The following PRKN variants were observed in gnomAD, a reference collection of about 807,000 sequenced individuals.
The protein encoded by PRKN is parkin RBR E3 ubiquitin protein ligase.
PRKN carries 56 observed loss-of-function variants against 59.5 expected under a neutral mutation model. The ratio of observed to expected loss-of-function variants is 0.94; its 90% CI spans 0.76 to 1.18. PRKN has a LOEUF of 1.18. Among genes scored for constraint, PRKN ranks in the 50% most tolerant of loss-of-function variants. PRKN has a pLI of 0.00. For missense variants in PRKN, 657 were observed against 596.4 expected, an observed-to-expected ratio of 1.10 and a Z score of -1.06; for synonymous variants, 250 against 222.1, an observed-to-expected ratio of 1.13 and a Z score of -1.12.
chr6:162,187,450 A>C (rs1346954252), intron 4 of PRKN, among the ~76,000 whole-genome samples: 1 of 152,180 alleles, frequency 6.6e-6, no homozygotes, highest in Non-Finnish European at 1.5e-5. Flanking sequence ...CTGAGGTATC[A>C]GAAACAGAAG....
rs2114990670 is a variant in PRKN at position 161,405,765 on chromosome 6, T to C, written c.1084-18888A>G. Among the ~76,000 whole-genome samples, 1 of 152,174 alleles carries C rather than the reference T, an allele frequency of 6.6e-6. No individual in the cohort carries two copies. Among genetic ancestry groups the C allele is most frequent in the Middle Eastern group, 3.4e-3 (1 of 294 alleles). The stretch of plus-strand genomic sequence containing the variant: ...GCTCGTGTTCCAAGTCTCGTACCCG[T>C]TGGGCCATTTGAGAAGTGGCAACAG... On this transcript the variant is annotated intron_variant, in intron 9 of 11. Transcript: ENST00000366898. This position sits in a 1 kb window ranked among gnomAD's most constrained non-coding sequence, Gnocchi z 5.1.
In PRKN at chr6:161,545,807, T is replaced by G. The variant is rs1413396497; in HGVS notation, c.1083+3047A>C. The stretch of plus-strand genomic sequence containing the variant: ...GGTTTAACATCCTTAAAGGCAACTT[T>G]CCTCAGGACAAGCATAAATGTGCCT... On this transcript the variant is annotated intron_variant, in intron 9 of 11. Transcript: ENST00000366898. This position sits in a 1 kb window ranked among gnomAD's most constrained non-coding sequence, Gnocchi z 4.1. Among the ~76,000 whole-genome samples, 4 of 152,210 alleles carry G rather than the reference T, an allele frequency of 2.6e-5. No individual in the cohort carries two copies. The highest frequency in any genetic ancestry group is 7.2e-5 in the African/African-American group (3 of 41,458).
At chr6:162,153,867 G>A (rs1457978375) in intron 4 of PRKN, among the ~76,000 whole-genome samples, 1 of 152,092 alleles carries the variant, frequency 6.6e-6, no homozygotes, top group East Asian at 1.9e-4. Flanking sequence ...GGTCTTTATA[G>A]GCACAGGATG....
At chr6:161,677,750 T>A (rs980896604) in intron 7 of PRKN, among the ~76,000 whole-genome samples, 2 of 152,222 alleles carry the variant, frequency 1.3e-5, no homozygotes, top group Non-Finnish European at 2.9e-5. Flanking sequence ...GTGGAGAAAG[T>A]GAGATGTTAT....
intron 5 of PRKN, among the ~76,000 whole-genome samples, chr6:161,979,551 G>A (rs1391034856): frequency 5.3e-5 from 8 of 152,170 alleles, no homozygotes; most frequent in Admixed American, 5.2e-4. Context: ...TGGGAAAACA[G>A]GCAAGAGCCA....
At chr6:162,660,359 C>T (rs1778831353) in intron 1 of PRKN, among the ~76,000 whole-genome samples, 1 of 152,172 alleles carries the variant, frequency 6.6e-6, no homozygotes, top group Non-Finnish European at 1.5e-5. Flanking sequence ...TCTCACCTTT[C>T]CTTATGCAGT....
chr6:161,821,493 G>A (rs1368083957), intron 6 of PRKN, among the ~76,000 whole-genome samples: 1 of 151,884 alleles, frequency 6.6e-6, no homozygotes. Flanking sequence ...GTATGAAACA[G>A]CTTAGTACAC....
At chr6:161,903,795 T>A (rs1358850105) in intron 6 of PRKN, among the ~76,000 whole-genome samples, 2 of 135,530 alleles carry the variant, frequency 1.5e-5, no homozygotes, top group Non-Finnish European at 3.3e-5. Flanking sequence ...TTTCTTTTTT[T>A]CTTTTTCTTT....
At chr6:161,865,321 G>C (rs1794070103) in intron 6 of PRKN, among the ~76,000 whole-genome samples, 1 of 152,144 alleles carries the variant, frequency 6.6e-6, no homozygotes, top group South Asian at 2.1e-4. Flanking sequence ...AATTCTTAAG[G>C]GTCTTAGGAT....
intron 6 of PRKN, among the ~76,000 whole-genome samples, chr6:161,896,724 G>T (rs1403509710): frequency 6.6e-6 from 1 of 152,128 alleles, no homozygotes. Context: ...ACTGTTGGGG[G>T]CCTTTTCCAA....
Position 162,479,757 on chromosome 6 carries a change from G to GTT in PRKN, c.8-36286_8-36285dup, listed in dbSNP as rs749892002. 1.4e-3 allele frequency among the ~76,000 whole-genome samples: 213 copies of GTT among 148,604 alleles called. 1 individual carries two copies. Among genetic ancestry groups the GTT allele is most frequent in the African/African-American group, 4.7e-3 (189 of 40,558 alleles). ...GCCTGAGGCTGTTTTACAGTTATCT[G>GTT]TTTTTTTTTCTCAAAAATAATTAGT... On this transcript the variant is annotated intron_variant, in intron 1 of 11. Transcript: ENST00000366898.
At position 162,665,547 on chromosome 6, in the gene PRKN, T is replaced by C. The variant is rs563875208; in HGVS notation, c.7+62115A>G. Among the ~76,000 whole-genome samples the C allele has an allele frequency of 2.2e-3, 334 of 152,096 alleles. 2 individuals carry two copies. Among genetic ancestry groups the C allele is most frequent in the Non-Finnish European group, 3.8e-3 (256 of 68,012 alleles). On this transcript the variant is annotated intron_variant, in intron 1 of 11. Transcript: ENST00000366898. ...AGAAATAAGATAGGACACAAACAAA[T>C]GGAAAAATATTCTACCCTCATGGAT...
At chr6:162,107,042 C>T (rs1010643126) in intron 4 of PRKN, among the ~76,000 whole-genome samples, 3 of 152,170 alleles carry the variant, frequency 2.0e-5, no homozygotes, top group African/African-American at 7.2e-5. Context: ...CCCCATGCTC[C>T]AAGAGTCTCA....
chr6:161,495,797 T>C (rs939603969), intron 9 of PRKN, among the ~76,000 whole-genome samples: 1 of 152,192 alleles, frequency 6.6e-6, no homozygotes, highest in African/African-American at 2.4e-5. Flanking sequence ...ATTTCTAGAA[T>C]CTAATTCCGT....
At chr6:161,760,944 C>T (rs547478151) in intron 7 of PRKN, among the ~76,000 whole-genome samples, 53 of 152,276 alleles carry the variant, frequency 3.5e-4, no homozygotes, top group Middle Eastern at 3.4e-3. Context: ...AATGCAACTT[C>T]GCTGGCCACA....
chr6:162,312,966 C>A (rs1562662095), intron 2 of PRKN, among the ~76,000 whole-genome samples: 1 of 152,014 alleles, frequency 6.6e-6, no homozygotes, highest in Non-Finnish European at 1.5e-5. Flanking sequence ...GAAGGATTTT[C>A]TTTAATCTAG....
At chr6:162,275,324 T>C (rs1780586340) in intron 2 of PRKN, 1 of 152,082 alleles carries the variant, frequency 6.6e-6, no homozygotes, top group African/African-American at 2.4e-5. Context: ...TTAGATAACA[T>C]ATTTCTATCA....
At chr6:162,370,053 T>A (rs1235488823) in intron 2 of PRKN, among the ~76,000 whole-genome samples, 2 of 152,188 alleles carry the variant, frequency 1.3e-5, no homozygotes, top group Non-Finnish European at 2.9e-5. Flanking sequence ...GAGTGGTAAT[T>A]CTTGAAATAT....
intron 5 of PRKN, among the ~76,000 whole-genome samples, chr6:162,005,906 G>T (rs577741200): frequency 6.6e-6 from 1 of 152,026 alleles, no homozygotes; most frequent in Non-Finnish European, 1.5e-5. Flanking sequence ...AACACTTGTA[G>T]AATTTTATAG....
Sources: gnomAD v4.1 joint callset for allele counts (sites outside exome capture counted in the v4.1 genomes callset) on GRCh38, gnomAD v4.1.1 for gene constraint, Gnocchi (gnomAD v3.1) non-coding constraint, MANE v1.5 for transcripts, NCBI Gene and HGNC (gene_info 2026-07-23, HGNC 2026-07-21) for gene names.